ACSF3: variants seen among roughly 807,000 people sequenced by gnomAD.
ACSF3 encodes acyl-CoA synthetase family member 3.
ACSF3 carries 78 observed loss-of-function variants against 53.2 expected under a neutral mutation model. The observed-to-expected ratio is 1.47, with a 90% confidence interval of 1.22 to 1.77. The LOEUF is 1.77. Ranked by LOEUF, ACSF3 falls within the 40% of genes most tolerant of loss-of-function variation. The pLI, the probability that ACSF3 is intolerant of heterozygous loss-of-function variation, is 0.00. For synonymous variants in ACSF3, 414 were observed against 333.1 expected (o/e 1.24, Z -2.65); for missense variants, 937 against 771.1 (o/e 1.22, Z -2.55).
rs569978040 is a variant in ACSF3 at position 89,129,563 on chromosome 16, T to A, written c.1240-3573T>A. ...AGTTGGATTATGTGTGTTTTTTAAA[T>A]CCAGCCTGACAAGCTTTGTAATTGG... On this transcript the variant is annotated intron_variant, in intron 7 of 10. Transcript: ENST00000614302. Among the ~76,000 whole-genome samples the A allele has an allele frequency of 1.1e-4, 16 of 152,358 alleles. 1 individual carries two copies. The East Asian group carries it at 2.9e-3, about 28-fold the overall frequency.
chr16:89,107,350 C>T (rs1387252824), intron 4 of ACSF3, among the ~76,000 whole-genome samples: 6 of 151,256 alleles, frequency 4.0e-5, no homozygotes, highest in Non-Finnish European at 7.4e-5. Context: ...AGCCTTGTCC[C>T]GTTGCGTGCA....
chr16:89,154,434 C>T lies in ACSF3; in HGVS notation c.*227C>T, dbSNP rs1051453147. ...GTCCCTGGTGTCACCTCTGCCTGGTCACCGCCGACCTCATCTGTGCAGCGC... is the reference window on the plus strand; with the variant it reads ...GTCCCTGGTGTCACCTCTGCCTGGTTACCGCCGACCTCATCTGTGCAGCGC... On this transcript the variant is annotated 3_prime_UTR_variant, in exon 11 of 11. Coordinates refer to ENST00000614302, the MANE Select transcript of ACSF3 (RefSeq NM_001243279.3). 7 of 661,168 alleles carry T rather than the reference C, an allele frequency of 1.1e-5. No individual in the cohort carries two copies. Among genetic ancestry groups the T allele is most frequent in the Non-Finnish European group, 1.9e-5 (7 of 360,438 alleles). 41.0% of individuals were successfully genotyped at this position (661,168 alleles called of 1,614,324 possible). A position where few individuals can be genotyped will look rare whatever the true frequency, so the allele number is the denominator to read the frequency against.
chr16:89,136,446 CATA>C (rs1910488154), intron 8 of ACSF3: 3 of 1,127,136 alleles, frequency 2.7e-6, no homozygotes, highest in Admixed American at 3.3e-5. Flanking sequence ...GATGCTGCTG[CATA>C]ATGAGAGCCT....
chr16:89,123,684 G>T (rs1028055729), intron 7 of ACSF3, among the ~76,000 whole-genome samples: 5 of 152,194 alleles, frequency 3.3e-5, no homozygotes, highest in African/African-American at 1.2e-4. Flanking sequence ...GAATTAAGAG[G>T]CTTGGTGTCA....
intron 7 of ACSF3, 100 bp from the exon 8 acceptor site, chr16:89,133,036 G>A: frequency 6.4e-7 from 1 of 1,553,126 alleles, no homozygotes; most frequent in Admixed American, 1.7e-5. Flanking sequence ...GCGGCCCTGG[G>A]TGGGCCCTGG....
At chr16:89,144,045 CAT>C (rs535860015) in intron 8 of ACSF3, among the ~76,000 whole-genome samples, 124 of 152,382 alleles carry the variant, frequency 8.1e-4, no homozygotes, top group East Asian at 4.6e-3. Context: ...CCACGGCACA[CAT>C]GTGTGCGTGC....
In ACSF3 at chr16:89,154,094, G is replaced by C. The variant is rs570670205; in HGVS notation, c.1618G>C (p.Val540Leu). Reference protein sequence around the residue: ...HRELKEWARNVLAPYAVPSEL... With the variant: ...HRELKEWARNLLAPYAVPSEL... Reference sequence around the variant, plus strand: ...AGGCTGTGCTTGTCTCTGCAGAAATGTCCTGGCCCCGTACGCGGTGCCCTC... The same window carrying C: ...AGGCTGTGCTTGTCTCTGCAGAAATCTCCTGGCCCCGTACGCGGTGCCCTC... Residue 540 changes from valine (V) to leucine (L), a missense_variant, in exon 11 of 11, where the codon GTC (valine) becomes CTC (leucine). By Grantham distance (32) the Val-to-Leu change is conservative (BLOSUM62 1). Transcript: ENST00000614302. 5 of 1,612,670 alleles carry C rather than the reference G, an allele frequency of 3.1e-6. No homozygotes were observed. In the Admixed American group the frequency reaches 6.7e-5, roughly 22 times the overall value.
intron 8 of ACSF3, among the ~76,000 whole-genome samples, chr16:89,139,633 G>A (rs551257052): frequency 1.0e-3 from 130 of 128,840 alleles, no homozygotes; most frequent in African/African-American, 3.5e-3. Flanking sequence ...TTGCTCTGTC[G>A]CCAGACTGGA....
rs765790849 is a variant in ACSF3, at chr16:89,154,519, G to T, written c.*312G>T. On this transcript the variant is annotated 3_prime_UTR_variant, in exon 11 of 11. Coordinates refer to ENST00000614302, the MANE Select transcript of ACSF3 (RefSeq NM_001243279.3). ...ACCTCCCGCCCCACAGTGCCCTGCA[G>T]TTGCCAGGCTCTCCAGGGCAGGTCC... The T allele has an allele frequency of 5.5e-6, 3 of 543,836 alleles. No homozygotes were observed. Among genetic ancestry groups the T allele is most frequent in the South Asian group, 4.6e-5 (3 of 65,226 alleles). 33.7% of individuals were successfully genotyped at this position (543,836 alleles called of 1,614,324 possible).
intron 8 of ACSF3, among the ~76,000 whole-genome samples, chr16:89,135,397 A>G (rs4530136): frequency 0.24 from 35,984 of 152,174 alleles, 5,004 homozygotes; most frequent in East Asian, 0.63. Flanking sequence ...GGTGTGTGGC[A>G]GTTCCGCACG....
intron 8 of ACSF3, chr16:89,136,667 G>C (rs899663275): frequency 7.8e-7 from 1 of 1,287,228 alleles, no homozygotes; most frequent in Non-Finnish European, 1.0e-6. Flanking sequence ...GCCTCCTCCG[G>C]GTCAGGATGA....
intron 8 of ACSF3, 47 bp downstream of exon 8, chr16:89,133,309 C>G (rs749930101): frequency 1.9e-6 from 3 of 1,612,274 alleles, no homozygotes; most frequent in East Asian, 4.5e-5. Context: ...AGGGGACAGG[C>G]AGGAACTCAT....
At position 89,102,671 on chromosome 16, in the gene ACSF3, A is replaced by C; in HGVS notation, c.734A>C (p.His245Pro). The C allele has an allele frequency of 1.2e-6, 2 of 1,613,488 alleles. No homozygotes were observed. Among genetic ancestry groups the C allele is most frequent in the Non-Finnish European group, 1.7e-6 (2 of 1,180,008 alleles). The change falls in exon 4 of 11, where the codon CAC becomes CCC. Residue 245 changes from histidine to proline, a missense_variant. Transcript: ENST00000614302. Reference sequence around the variant, plus strand: ...GTGATCCTCCACGTGCTCCCGCTGCACCACGTCCATGGTGTGGTCAACGCG... The same window carrying C: ...GTGATCCTCCACGTGCTCCCGCTGCCCCACGTCCATGGTGTGGTCAACGCG... The part of the protein sequence containing the change: ...DDVILHVLPL[H>P]HVHGVVNALL...
At chr16:89,108,124 C>T (rs140388928) in intron 4 of ACSF3, among the ~76,000 whole-genome samples, 197 of 152,210 alleles carry the variant, frequency 1.3e-3, no homozygotes, top group African/African-American at 4.4e-3. Context: ...CAGGAAAGAC[C>T]GGCCCCCATA....
chr16:89,139,582 T>G (rs1911327021), intron 8 of ACSF3, among the ~76,000 whole-genome samples: 1 of 148,620 alleles, frequency 6.7e-6, no homozygotes, highest in Admixed American at 6.7e-5. Context: ...CCCCCTCCTT[T>G]TTTTTTCTGT....
chr16:89,095,607 C>CG (rs1055058744), intron 1 of ACSF3, among the ~76,000 whole-genome samples: 796 of 18,350 alleles, frequency 0.043, 15 homozygotes, highest in African/African-American at 0.18. Context: ...TCTGGGGGGG[C>CG]GGGGGTGTCA....
chr16:89,155,869 C>T lies in ACSF3; in HGVS notation c.*1662C>T, dbSNP rs1291072259. 6.4e-5 allele frequency: 27 copies of T among 419,560 alleles called. No homozygotes were observed. Among genetic ancestry groups the T allele is most frequent in the South Asian group, 3.6e-4 (21 of 58,270 alleles). 26.0% of individuals were successfully genotyped at this position (419,560 alleles called of 1,614,324 possible). A position where few individuals can be genotyped will look rare whatever the true frequency, so the allele number is the denominator to read the frequency against. ...AGTATACATCAGTATATCATGCTTT[C>T]GAAATAATGAGTGTAACTTTCTGCT... is the stretch of plus-strand genomic sequence containing the variant. On this transcript the variant is annotated 3_prime_UTR_variant, in exon 11 of 11. Transcript: ENST00000614302.
intron 10 of ACSF3, chr16:89,153,768 C>T (rs570732165): frequency 1.5e-4 from 61 of 406,318 alleles, no homozygotes; most frequent in African/African-American, 1.1e-3. Context: ...AGGCCTGGCC[C>T]GGTGTGGGGG....
Position 89,120,794 on chromosome 16 carries a change from C to G in ACSF3, c.1127-7C>G, listed in dbSNP as rs761564953. On this transcript the variant is annotated splice_polypyrimidine_tract_variant and splice_region_variant and intron_variant, in intron 6 of 10. Coordinates refer to ENST00000614302, the MANE Select transcript of ACSF3 (RefSeq NM_001243279.3). ...GCCTCCCCTTCAGTGTTTCTCCTCT[C>G]CTGTAGGTTCCGTGGGGACCCCACT... 39 of 1,613,594 alleles carry G rather than the reference C, an allele frequency of 2.4e-5. No individual in the cohort carries two copies. In the East Asian group the frequency reaches 8.7e-4, roughly 36 times the overall value.
Sources: allele counts gnomAD v4.1 joint callset (sites outside exome capture counted in the v4.1 genomes callset), GRCh38; gene constraint gnomAD v4.1.1; transcripts MANE v1.5; gene names NCBI Gene and HGNC (gene_info 2026-07-23, HGNC 2026-07-21).